Variants in DAB1 observed in about 807,000 individuals in gnomAD.
DAB1 encodes the protein disabled homolog 1.
Under a neutral mutation model 64.6 loss-of-function variants are expected in DAB1, and 15 were observed. That is an observed-to-expected ratio of 0.23 (90% CI 0.16 to 0.36). The LOEUF (loss-of-function observed/expected upper bound fraction) is 0.36, where lower values mean the gene tolerates loss of function less well. Ranked by LOEUF, DAB1 falls within the 10% of genes least tolerant of loss-of-function variation. The pLI, the probability that DAB1 is intolerant of heterozygous loss-of-function variation, is 1.00. For synonymous variants in DAB1, 235 were observed against 251.9 expected, an observed-to-expected ratio of 0.93 and a Z score of 0.64; for missense variants, 596 against 706.7, an observed-to-expected ratio of 0.84 and a Z score of 1.78.
Position 58,131,625 on chromosome 1 carries a change from G to C in DAB1, n.387+18886C>G, listed in dbSNP as rs963216094. 9.7e-5 allele frequency among the ~76,000 whole-genome samples: 13 copies of C among 133,698 alleles called. 1 individual carries two copies. Among genetic ancestry groups the C allele is most frequent in the Non-Finnish European group, 1.9e-4 (12 of 64,736 alleles). 87.7% of individuals were successfully genotyped at this position (133,698 alleles called of 152,430 possible). ...TGGTCTTTGATGATGGTGATGTATAGATGGGTTTTTGGTGTGGATGTCCTT... is the reference window on the plus strand; with the variant it reads ...TGGTCTTTGATGATGGTGATGTATACATGGGTTTTTGGTGTGGATGTCCTT... On this transcript the variant is annotated intron_variant and non_coding_transcript_variant, in intron 5 of 20. Transcript: ENST00000485760.
rs552560309 is a variant in DAB1, at chr1:56,995,772, C to T, written c.*2372G>A. ...CAACAAAGCAATTTAAGCAATTTCC[C>T]ATGGGAACTGCCTATCTTACCAAAT... On this transcript the variant is annotated 3_prime_UTR_variant, in exon 15 of 15. Transcript: ENST00000371236. 3.3e-5 allele frequency: 5 copies of T among 152,274 alleles called. No homozygotes were observed. In the South Asian group the frequency reaches 6.2e-4, roughly 19 times the overall value. The allele number at this position is 152,274 out of a possible 1,614,324, so 9.4% of individuals were successfully genotyped here.
chr1:57,996,682 C>T (rs1351549646), intron 5 of DAB1, among the ~76,000 whole-genome samples: 1 of 152,198 alleles, frequency 6.6e-6, no homozygotes, highest in African/African-American at 2.4e-5. Flanking sequence ...TGCATCCCCC[C>T]TTCTAGCTCT....
chr1:57,864,741 C>T (rs74814082), intron 1 of DAB1: 5,055 of 151,160 alleles, frequency 0.033, 130 homozygotes, highest in East Asian at 0.13. Flanking sequence ...AGGCTGGTAT[C>T]GAACTCTGTT....
intron 6 of DAB1, among the ~76,000 whole-genome samples, chr1:57,795,222 GTC>G (rs1650788054): frequency 6.6e-6 from 1 of 152,176 alleles, no homozygotes. Context: ...CCCTCTAGGA[GTC>G]ATAAACCTAA....
chr1:57,326,590 A>G (rs565119993), intron 1 of DAB1, among the ~76,000 whole-genome samples: 1 of 152,290 alleles, frequency 6.6e-6, no homozygotes, highest in East Asian at 1.9e-4. Context: ...TGGGTGGCTT[A>G]AACAACAGAA....
At chr1:57,337,878 CTCCCT>C (rs755714868) in intron 1 of DAB1, among the ~76,000 whole-genome samples, 3,656 of 65,972 alleles carry the variant, frequency 0.055, 137 homozygotes, top group African/African-American at 0.15. Context: ...CTCCCCTCCC[CTCCCT>C]TCCCTTCCCT....
chr1:58,546,695 G>A (rs1267202955), intron 1 of DAB1: 1 of 152,296 alleles, frequency 6.6e-6, no homozygotes, highest in Non-Finnish European at 1.5e-5. Context: ...GTCACCGTGA[G>A]GACTGACTCA....
At chr1:58,400,849 C>T (rs338918) in intron 3 of DAB1, among the ~76,000 whole-genome samples, 93,245 of 151,972 alleles carry the variant, frequency 0.61, 29,275 homozygotes, top group African/African-American at 0.72. Context: ...GGAATAATTA[C>T]GCATTTTGAT....
chr1:58,365,078 C>G (rs1014448648), intron 3 of DAB1, among the ~76,000 whole-genome samples: 6 of 152,210 alleles, frequency 3.9e-5, no homozygotes, highest in South Asian at 4.1e-4. Context: ...TACCCAATTT[C>G]TCCTTGGAAA....
At chr1:57,789,648 T>C (rs888278982) in intron 6 of DAB1, among the ~76,000 whole-genome samples, 1 of 152,168 alleles carries the variant, frequency 6.6e-6, no homozygotes, top group African/African-American at 2.4e-5. Flanking sequence ...TATGACCTAA[T>C]TACCTCCTAA....
At chr1:57,647,843 T>C (rs1190414425) in intron 7 of DAB1, among the ~76,000 whole-genome samples, 1 of 152,206 alleles carries the variant, frequency 6.6e-6, no homozygotes, top group Non-Finnish European at 1.5e-5. Context: ...AGGGGCATAA[T>C]GGCAGAGCTC....
chr1:58,187,295 C>CA (rs535043834), intron 4 of DAB1, among the ~76,000 whole-genome samples: 5,847 of 94,706 alleles, frequency 0.062, 349 homozygotes, highest in African/African-American at 0.18. Context: ...CTTAACTCTA[C>CA]AAAAAAAAAA....
rs1488004941 is a variant in DAB1 at position 56,995,040 on chromosome 1, A to G, written c.*3104T>C. 6.6e-6 allele frequency: 1 copy of G among 152,214 alleles called. No homozygotes were observed. Among genetic ancestry groups the G allele is most frequent in the Non-Finnish European group, 1.5e-5 (1 of 68,040 alleles). 9.4% of individuals were successfully genotyped at this position (152,214 alleles called of 1,614,324 possible). On this transcript the variant is annotated 3_prime_UTR_variant, in exon 15 of 15. Transcript: ENST00000371236. ...AGAAATTGAAATGAACCAAACCCAC[A>G]GAGTAAACATTTGTTTAAAAGAAGG...
intron 3 of DAB1, among the ~76,000 whole-genome samples, chr1:58,452,240 C>CT (rs372968435): frequency 2.0e-5 from 3 of 150,556 alleles, no homozygotes; most frequent in Admixed American, 6.6e-5. Flanking sequence ...GGCCTGCATC[C>CT]TTTTTTTTTA....
chr1:57,568,547 C>G (rs1570635546), intron 7 of DAB1, among the ~76,000 whole-genome samples: 1 of 152,196 alleles, frequency 6.6e-6, no homozygotes, highest in African/African-American at 2.4e-5. Context: ...GTCTAATATC[C>G]AGAATCTACA....
At chr1:57,742,852 T>C (rs1037909320) in intron 6 of DAB1, among the ~76,000 whole-genome samples, 1 of 151,916 alleles carries the variant, frequency 6.6e-6, no homozygotes, top group Admixed American at 6.6e-5. Flanking sequence ...GAAGCACCAG[T>C]GTGAAGGTGT....
intron 4 of DAB1, among the ~76,000 whole-genome samples, chr1:57,104,490 G>C (rs1654963264): frequency 2.6e-5 from 4 of 152,204 alleles, no homozygotes; most frequent in African/African-American, 9.7e-5. Flanking sequence ...TGGGAATTAG[G>C]GCAGGGAGGG....
intron 6 of DAB1, among the ~76,000 whole-genome samples, chr1:57,814,382 G>A (rs567485459): frequency 6.6e-6 from 1 of 152,220 alleles, no homozygotes; most frequent in Non-Finnish European, 1.5e-5. Context: ...TTTACATATG[G>A]GCTCAAGAAG....
At chr1:58,093,697 GAAA>G in intron 5 of DAB1, among the ~76,000 whole-genome samples, 1 of 129,670 alleles carries the variant, frequency 7.7e-6, no homozygotes, top group African/African-American at 2.8e-5. Context: ...GTTCAAAAGG[GAAA>G]AAAAAAAAAA....
Sources: gnomAD v4.1 joint callset for allele counts (sites outside exome capture counted in the v4.1 genomes callset) on GRCh38, gnomAD v4.1.1 for gene constraint, MANE v1.5 for transcripts, NCBI Gene and HGNC (gene_info 2026-07-23, HGNC 2026-07-21) for gene names.